TMEM54: variants seen among roughly 807,000 people sequenced by gnomAD.
The protein encoded by TMEM54 is beta-casein-like protein.
In TMEM54, 21 loss-of-function variants were observed where a neutral mutation model predicts 21.3. That is an observed-to-expected ratio of 0.99 (90% CI 0.70 to 1.42). The LOEUF is 1.42. Ranked by LOEUF, TMEM54 falls within the 40% of genes most tolerant of loss-of-function variation. The probability of loss-of-function intolerance (pLI) is 0.00; values close to 1 mark genes in which losing one functional copy is unlikely to be tolerated. For missense variants in TMEM54, 246 were observed against 294.0 expected, an observed-to-expected ratio of 0.84 and a Z score of 1.19; for synonymous variants, 109 against 125.0, an observed-to-expected ratio of 0.87 and a Z score of 0.86.
At chr1:32,900,793 G>T (rs1641708297) in intron 1 of TMEM54, among the ~76,000 whole-genome samples, 1 of 152,206 alleles carries the variant, frequency 6.6e-6, no homozygotes, top group Non-Finnish European at 1.5e-5. Context: ...TTTTGCCCAC[G>T]GCTTTCCTTC....
At chr1:32,900,430 GGCC>G (rs1329814399) in intron 1 of TMEM54, among the ~76,000 whole-genome samples, 1 of 151,696 alleles carries the variant, frequency 6.6e-6, no homozygotes, top group East Asian at 1.9e-4. Context: ...TCACTATGTT[GGCC>G]AGGCTAGTCT....
chr1:32,897,099 G>A lies in TMEM54; in HGVS notation c.210+1027C>T, dbSNP rs998058374. 7.2e-5 allele frequency among the ~76,000 whole-genome samples: 11 copies of A among 152,174 alleles called. No individual in the cohort carries two copies. The highest frequency in any genetic ancestry group is 1.6e-4 in the Non-Finnish European group (11 of 68,032). Reference sequence around the variant, plus strand: ...ATCCTGGTGGACCTCCTCGCCCTGAGCTCACTGCCTTCCCTGCCTTCCTCA... The same window carrying A: ...ATCCTGGTGGACCTCCTCGCCCTGAACTCACTGCCTTCCCTGCCTTCCTCA... On this transcript the variant is annotated intron_variant, in intron 2 of 5. Coordinates refer to ENST00000373463, the MANE Select transcript of TMEM54 (RefSeq NM_033504.4). The surrounding 1 kb of genome is among the most constrained non-coding windows in gnomAD (Gnocchi z 4.9).
intron 1 of TMEM54, among the ~76,000 whole-genome samples, chr1:32,899,400 A>T (rs1487161082): frequency 6.6e-6 from 1 of 150,484 alleles, no homozygotes; most frequent in Non-Finnish European, 1.5e-5. Context: ...TGAAAAAAAA[A>T]AAAAAAAAGA....
In TMEM54 at chr1:32,895,786, C is replaced by A. The variant is rs764174171; in HGVS notation, c.271-43G>T. On this transcript the variant is annotated intron_variant, in intron 3 of 5. Coordinates refer to ENST00000373463, the MANE Select transcript of TMEM54 (RefSeq NM_033504.4). The surrounding 1 kb of genome is among the most constrained non-coding windows in gnomAD (Gnocchi z 5.8). ...CTGGTCAATGGGCGTCGTGCTTGGCCCCCATGGGCAGCTCTGGCCTCCCTG... is the reference window on the plus strand; with the variant it reads ...CTGGTCAATGGGCGTCGTGCTTGGCACCCATGGGCAGCTCTGGCCTCCCTG... The A allele has an allele frequency of 3.2e-6, 5 of 1,547,646 alleles. No individual in the cohort carries two copies. The highest frequency in any genetic ancestry group is 3.5e-6 in the Non-Finnish European group (4 of 1,145,252).
Position 32,895,892 on chromosome 1 carries a change from C to T in TMEM54, c.270+18G>A, listed in dbSNP as rs374249262. Reference sequence around the variant, plus strand: ...CCTACCCTTCCCTCACAGCCCCATCCCAGGAGGCACCACGTACCAGGGGGG... The same window carrying T: ...CCTACCCTTCCCTCACAGCCCCATCTCAGGAGGCACCACGTACCAGGGGGG... On this transcript the variant is annotated intron_variant, in intron 3 of 5. Transcript: ENST00000373463. This position sits in a 1 kb window ranked among gnomAD's most constrained non-coding sequence, Gnocchi z 5.8. 3 of 1,609,630 alleles carry T rather than the reference C, an allele frequency of 1.9e-6. No individual in the cohort carries two copies. The highest frequency in any genetic ancestry group is 2.2e-5 in the East Asian group (1 of 44,860).
Position 32,901,112 on chromosome 1 carries a change from G to A in TMEM54, c.16+111C>T. On this transcript the variant is annotated intron_variant, in intron 1 of 5. Transcript: ENST00000373463. This position sits in a 1 kb window ranked among gnomAD's most constrained non-coding sequence, Gnocchi z 4.2. Reference sequence around the variant, plus strand: ...GACCCCGGCCTCGTAGTAAGTTAGAGGCAGAGCAGGTGGCCTGGCCCCCTG... The same window carrying A: ...GACCCCGGCCTCGTAGTAAGTTAGAAGCAGAGCAGGTGGCCTGGCCCCCTG... 1.7e-6 allele frequency: 2 copies of A among 1,200,026 alleles called. No homozygotes were observed. Among genetic ancestry groups the A allele is most frequent in the Non-Finnish European group, 2.2e-6 (2 of 921,236 alleles). The allele number at this position is 1,200,026 out of a possible 1,614,324, so 74.3% of individuals were successfully genotyped here.
In TMEM54 at chr1:32,897,455, A is replaced by G. The variant is rs886650656; in HGVS notation, c.210+671T>C. Among the ~76,000 whole-genome samples, 1 of 152,222 alleles carries G rather than the reference A, an allele frequency of 6.6e-6. No homozygotes were observed. Among genetic ancestry groups the G allele is most frequent in the African/African-American group, 2.4e-5 (1 of 41,452 alleles). Reference sequence around the variant, plus strand: ...CCCTCCATTCATGTGCTAGTCAAACAGGTACTGATATCTGGTCACAACCGT... The same window carrying G: ...CCCTCCATTCATGTGCTAGTCAAACGGGTACTGATATCTGGTCACAACCGT... On this transcript the variant is annotated intron_variant, in intron 2 of 5. Coordinates refer to ENST00000373463, the MANE Select transcript of TMEM54 (RefSeq NM_033504.4). This position sits in a 1 kb window ranked among gnomAD's most constrained non-coding sequence, Gnocchi z 4.9.
In TMEM54 at chr1:32,894,785, C is replaced by T; in HGVS notation, c.*20G>A. On this transcript the variant is annotated 3_prime_UTR_variant, in exon 6 of 6. Coordinates refer to ENST00000373463, the MANE Select transcript of TMEM54 (RefSeq NM_033504.4). ...TTGCAGGGTCCTAGTGGCCATCGGG[C>T]CTGGGCAGGACATCATCTCTCAGAG... 1 of 1,605,070 alleles carries T rather than the reference C, an allele frequency of 6.2e-7. No homozygotes were observed. Among genetic ancestry groups the T allele is most frequent in the Non-Finnish European group, 8.5e-7 (1 of 1,172,648 alleles).
intron 1 of TMEM54, 34 bp from the exon 2 acceptor site, chr1:32,898,353 G>C: frequency 6.4e-7 from 1 of 1,562,714 alleles, no homozygotes; most frequent in Non-Finnish European, 8.8e-7. Context: ...GCTGTGCGTG[G>C]GGCTTATCCT....
chr1:32,899,661 C>T (rs1557548132), intron 1 of TMEM54, among the ~76,000 whole-genome samples: 3 of 152,176 alleles, frequency 2.0e-5, no homozygotes, highest in South Asian at 2.1e-4. Flanking sequence ...GAGCTATAAT[C>T]GTGCCATTGC....
In TMEM54 at chr1:32,897,164, C is replaced by G. The variant is rs1005942099; in HGVS notation, c.210+962G>C. ...GAACTCCAAGGACCCTGCACACATC[C>G]GCCCATCCCAGCCCTGTCCCACCAA... On this transcript the variant is annotated intron_variant, in intron 2 of 5. Coordinates refer to ENST00000373463, the MANE Select transcript of TMEM54 (RefSeq NM_033504.4). This position sits in a 1 kb window ranked among gnomAD's most constrained non-coding sequence, Gnocchi z 4.9. Among the ~76,000 whole-genome samples the G allele has an allele frequency of 6.6e-6, 1 of 152,186 alleles. No individual in the cohort carries two copies. Among genetic ancestry groups the G allele is most frequent in the African/African-American group, 2.4e-5 (1 of 41,452 alleles).
Position 32,895,325 on chromosome 1 carries a change from C to T in TMEM54, c.574G>A (p.Gly192Arg). 1 of 1,612,888 alleles carries T rather than the reference C, an allele frequency of 6.2e-7. No homozygotes were observed. The highest frequency in any genetic ancestry group is 8.5e-7 in the Non-Finnish European group (1 of 1,179,190). ...HQLLELRPWW[G>R]KSSHHMMREN... Reference sequence around the variant, plus strand: ...CTTACCATGTGGTGGCTGCTTTTCCCCCACCAGGGCCTCAGCTCCAGCAGC... The same window carrying T: ...CTTACCATGTGGTGGCTGCTTTTCCTCCACCAGGGCCTCAGCTCCAGCAGC... The change falls in exon 5 of 6, where the codon GGG (glycine) becomes AGG (arginine). Residue 192 changes from glycine (G) to arginine (R), a missense_variant. Physicochemically the swap from Gly to Arg is moderately radical, Grantham distance 125 (BLOSUM62 -2). Coordinates refer to ENST00000373463, the MANE Select transcript of TMEM54 (RefSeq NM_033504.4). The surrounding 1 kb of genome is among the most constrained non-coding windows in gnomAD (Gnocchi z 5.8).
chr1:32,896,542 T>C lies in TMEM54; in HGVS notation c.211-573A>G, dbSNP rs987511661. ...CACAGCCTGCTCAGGACACTGCCCA[T>C]GCACCCTCTCACCTTCCTGCTCCTC... On this transcript the variant is annotated intron_variant, in intron 2 of 5. Transcript: ENST00000373463. This position sits in a 1 kb window ranked among gnomAD's most constrained non-coding sequence, Gnocchi z 4.1. 6.6e-6 allele frequency among the ~76,000 whole-genome samples: 1 copy of C among 152,206 alleles called. No homozygotes were observed. Among genetic ancestry groups the C allele is most frequent in the African/African-American group, 2.4e-5 (1 of 41,462 alleles).
At chr1:32,899,170 T>TAG (rs1278200882) in intron 1 of TMEM54, among the ~76,000 whole-genome samples, 1 of 152,190 alleles carries the variant, frequency 6.6e-6, no homozygotes, top group East Asian at 1.9e-4. Flanking sequence ...CCATAAGTCC[T>TAG]AGCTCTGCCT....
chr1:32,895,223 T>C lies in TMEM54; in HGVS notation c.594+82A>G, dbSNP rs190204816. 51 of 1,505,704 alleles carry C rather than the reference T, an allele frequency of 3.4e-5. No individual in the cohort carries two copies. The Admixed American group carries it at 3.7e-4, about 11-fold the overall frequency. 93.3% of individuals were successfully genotyped at this position (1,505,704 alleles called of 1,614,324 possible). On this transcript the variant is annotated intron_variant, in intron 5 of 5. Transcript: ENST00000373463. The surrounding 1 kb of genome is among the most constrained non-coding windows in gnomAD (Gnocchi z 5.8). Reference sequence around the variant, plus strand: ...ATTTCTCAAGGTGGGGGCCCATACATAGGGGTGGGGCAGAGCAGCTTGGGC... The same window carrying C: ...ATTTCTCAAGGTGGGGGCCCATACACAGGGGTGGGGCAGAGCAGCTTGGGC...
Position 32,895,822 on chromosome 1 carries a change from T to G in TMEM54, c.271-79A>C. ...GCTCTGGCCTCCCTGAGGGTCAGCC[T>G]TACCCTCTCCAAGGAGGCCAGGCCC... On this transcript the variant is annotated intron_variant, in intron 3 of 5. Transcript: ENST00000373463. This position sits in a 1 kb window ranked among gnomAD's most constrained non-coding sequence, Gnocchi z 5.8. The G allele has an allele frequency of 6.4e-7, 1 of 1,559,850 alleles. No individual in the cohort carries two copies. The highest frequency in any genetic ancestry group is 8.7e-7 in the Non-Finnish European group (1 of 1,153,056).
Position 32,894,665 on chromosome 1 carries a change from G to T in TMEM54, c.*140C>A. On this transcript the variant is annotated 3_prime_UTR_variant, in exon 6 of 6. Coordinates refer to ENST00000373463, the MANE Select transcript of TMEM54 (RefSeq NM_033504.4). ...CAGTGCAGTGGGCTGGGTGGTGGGG[G>T]AGAGGGTTGAAAGCCCCACTTGGGT... 1 of 1,083,812 alleles carries T rather than the reference G, an allele frequency of 9.2e-7. No individual in the cohort carries two copies. Among genetic ancestry groups the T allele is most frequent in the Non-Finnish European group, 1.3e-6 (1 of 749,738 alleles). 67.1% of individuals were successfully genotyped at this position (1,083,812 alleles called of 1,614,324 possible).
At position 32,895,393 on chromosome 1, in the gene TMEM54, G is replaced by T. The variant is rs763460747; in HGVS notation, c.506C>A (p.Ala169Glu). 1 of 1,614,008 alleles carries T rather than the reference G, an allele frequency of 6.2e-7. No individual in the cohort carries two copies. The highest frequency in any genetic ancestry group is 1.1e-5 in the South Asian group (1 of 91,064). The change falls in exon 5 of 6, where the codon GCG becomes GAG. Residue 169 changes from alanine to glutamate, a missense_variant. By Grantham distance (107) the Ala-to-Glu change is moderately radical (BLOSUM62 -1). Transcript: ENST00000373463. The surrounding 1 kb of genome is among the most constrained non-coding windows in gnomAD (Gnocchi z 5.8). ...LWGIALVLCV[A>E]ENVFAVRCAQ... ...ACAGCGTACAGCAAACACGTTCTCC[G>T]CCACGCAGAGCACTAGGGCGATGCC...
intron 1 of TMEM54, among the ~76,000 whole-genome samples, chr1:32,898,718 A>G (rs532242062): frequency 6.6e-6 from 1 of 152,278 alleles, no homozygotes; most frequent in East Asian, 1.9e-4. Context: ...CTGGGGTACG[A>G]CGGTGAGCTC....
Sources: allele counts gnomAD v4.1 joint callset (sites outside exome capture counted in the v4.1 genomes callset), GRCh38; gene constraint gnomAD v4.1.1; non-coding constraint Gnocchi (gnomAD v3.1); transcripts MANE v1.5; gene names NCBI Gene and HGNC (gene_info 2026-07-23, HGNC 2026-07-21).